Variants in WDR37 observed in about 807,000 individuals in gnomAD.
WDR37 encodes the protein WD repeat-containing protein 37.
In WDR37, 19 loss-of-function variants were observed where a neutral mutation model predicts 62.9. The ratio of observed to expected loss-of-function variants is 0.30; its 90% CI spans 0.21 to 0.44. WDR37 has a LOEUF of 0.44. Ranked by LOEUF, WDR37 falls within the 20% of genes least tolerant of loss-of-function variation. WDR37 has a pLI of 1.00. For missense variants in WDR37, 474 were observed against 657.6 expected (o/e 0.72, Z 3.05); for synonymous variants, 250 against 260.9 (o/e 0.96, Z 0.40).
chr10:1,074,439 G>T lies in WDR37; in HGVS notation c.138+2146G>T, dbSNP rs550216622. 3.1e-5 allele frequency: 41 copies of T among 1,304,262 alleles called. 1 individual carries two copies. The South Asian group carries it at 4.6e-4, about 15-fold the overall frequency. 80.8% of individuals were successfully genotyped at this position (1,304,262 alleles called of 1,614,324 possible). On this transcript the variant is annotated intron_variant, in intron 2 of 13. Coordinates refer to ENST00000263150, the MANE Select transcript of WDR37 (RefSeq NM_014023.4). ...TCCACCTTTGGCCTGTGTCTCCCAC[G>T]CTCGCTCCCTAGACGGAGCTCATTT...
intron 2 of WDR37, chr10:1,074,379 C>G (rs1417892305): frequency 7.8e-7 from 1 of 1,288,814 alleles, no homozygotes; most frequent in Non-Finnish European, 1.0e-6. Context: ...GAAGGTAGCT[C>G]AGAGGTCTCC....
chr10:1,097,717 T>A (rs181625426), intron 9 of WDR37, among the ~76,000 whole-genome samples: 3 of 152,236 alleles, frequency 2.0e-5, no homozygotes, highest in African/African-American at 7.2e-5. Context: ...AGGGACTCTC[T>A]GGAGCCTGAA....
intron 4 of WDR37, 42 bp from the exon 5 acceptor site, chr10:1,080,370 G>C (rs1833992840): frequency 6.2e-7 from 1 of 1,613,042 alleles, no homozygotes; most frequent in Non-Finnish European, 8.5e-7. Flanking sequence ...ATAGGTCTTT[G>C]ATTGTGTGAT....
chr10:1,102,938 A>G (rs910298152), intron 9 of WDR37, among the ~76,000 whole-genome samples: 10 of 152,150 alleles, frequency 6.6e-5, no homozygotes, highest in African/African-American at 2.4e-4. Flanking sequence ...GTAGTTTTGC[A>G]TGTGTGCATG....
chr10:1,111,897 C>A (rs1835227393), intron 11 of WDR37, among the ~76,000 whole-genome samples: 1 of 147,934 alleles, frequency 6.8e-6, no homozygotes, highest in African/African-American at 2.4e-5. Flanking sequence ...GGCTATTTCT[C>A]TCTCTCTCTT....
chr10:1,074,374 T>C (rs1324637199), intron 2 of WDR37: 3 of 1,279,718 alleles, frequency 2.3e-6, no homozygotes, highest in Non-Finnish European at 3.1e-6. Flanking sequence ...CTCACGAAGG[T>C]AGCTCAGAGG....
In WDR37 at chr10:1,093,478, G is replaced by T; in HGVS notation, c.631G>T (p.Glu211Ter). ...SVNSIKFHPSEQLALTASGDQ... is the reference protein window; with the variant it reads ...SVNSIKFHPS ...AAATTCTATCAAATTTCATCCCTCA[G>T]AGCAGTTGGCTCTCACTGGTATGTT... The change falls in exon 8 of 14, where the codon GAG becomes TAG. Residue 211 changes from glutamate (E) to a stop codon, truncating the protein, a stop_gained. Transcript: ENST00000263150. LOFTEE classifies it high-confidence loss of function. 1 of 1,610,002 alleles carries T rather than the reference G, an allele frequency of 6.2e-7. No homozygotes were observed. Among genetic ancestry groups the T allele is most frequent in the Non-Finnish European group, 8.5e-7 (1 of 1,178,754 alleles).
chr10:1,086,146 C>T, intron 6 of WDR37, 140 bp from the exon 7 acceptor site: 1 of 650,130 alleles, frequency 1.5e-6, no homozygotes, highest in Non-Finnish European at 2.7e-6. Context: ...TTGAAGCATA[C>T]AGAGTAATAG....
intron 2 of WDR37, chr10:1,074,395 G>C (rs1195483459): frequency 2.3e-6 from 3 of 1,298,458 alleles, no homozygotes; most frequent in African/African-American, 1.5e-5. Flanking sequence ...TCTCCAAGCC[G>C]CACGGCCTCG....
intron 1 of WDR37, among the ~76,000 whole-genome samples, chr10:1,069,397 T>A (rs868150472): frequency 0.019 from 1,624 of 84,366 alleles, 64 homozygotes; most frequent in East Asian, 0.096. Context: ...ATATTTTTTT[T>A]TTTTTTTTTT....
chr10:1,085,767 T>C (rs1215026697), intron 6 of WDR37, among the ~76,000 whole-genome samples: 2 of 152,236 alleles, frequency 1.3e-5, no homozygotes, highest in Non-Finnish European at 2.9e-5. Flanking sequence ...AAAAGGTCCT[T>C]TCTGATATTT....
Position 1,075,784 on chromosome 10 carries a change from C to CTT in WDR37, c.139-2109_139-2108dup, listed in dbSNP as rs11387795. On this transcript the variant is annotated intron_variant, in intron 2 of 13. Coordinates refer to ENST00000263150, the MANE Select transcript of WDR37 (RefSeq NM_014023.4). ...TTATGTTTCATAGTTATTGGAACTT[C>CTT]TTTTTTTTTTTTTTTGAGACGGAGT... Among the ~76,000 whole-genome samples, 284 of 140,914 alleles carry CTT rather than the reference C, an allele frequency of 2.0e-3. 6 individuals are homozygous for CTT. Among genetic ancestry groups the CTT allele is most frequent in the Middle Eastern group, 0.015 (4 of 270 alleles). 92.4% of individuals were successfully genotyped at this position (140,914 alleles called of 152,430 possible).
At position 1,069,148 on chromosome 10, in the gene WDR37, A is replaced by G. The variant is rs1260551754; in HGVS notation, c.-40-2968A>G. Among the ~76,000 whole-genome samples, 25 of 152,070 alleles carry G rather than the reference A, an allele frequency of 1.6e-4. 2 individuals are homozygous for G. Among genetic ancestry groups the G allele is most frequent in the Admixed American group, 1.4e-3 (21 of 15,246 alleles). Reference sequence around the variant, plus strand: ...GTAATGATCGCACAACTTCCTGAGTATACTGAGAGCCATTGAATTGTGCAC... The same window carrying G: ...GTAATGATCGCACAACTTCCTGAGTGTACTGAGAGCCATTGAATTGTGCAC... On this transcript the variant is annotated intron_variant, in intron 1 of 13. Coordinates refer to ENST00000263150, the MANE Select transcript of WDR37 (RefSeq NM_014023.4).
At chr10:1,096,274 TG>T (rs745803834) in intron 9 of WDR37, 28 bp downstream of exon 9, 2 of 1,605,594 alleles carry the variant, frequency 1.2e-6, no homozygotes, top group East Asian at 4.5e-5. Flanking sequence ...CCTGTGAATG[TG>T]TAGGATGCTG....
At chr10:1,058,866 C>T (rs1481416064) in intron 1 of WDR37, among the ~76,000 whole-genome samples, 1 of 152,224 alleles carries the variant, frequency 6.6e-6, no homozygotes, top group Non-Finnish European at 1.5e-5. Flanking sequence ...AATTCCATCA[C>T]ATTTTATGCA....
chr10:1,089,850 T>G (rs920162861), intron 7 of WDR37, among the ~76,000 whole-genome samples: 1 of 152,268 alleles, frequency 6.6e-6, no homozygotes, highest in African/African-American at 2.4e-5. Context: ...CCAGGATGCC[T>G]TCTGCATTTA....
Position 1,106,183 on chromosome 10 carries a change from C to T in WDR37, c.1103+916C>T, listed in dbSNP as rs115831521. 1.5e-4 allele frequency among the ~76,000 whole-genome samples: 23 copies of T among 152,258 alleles called. No homozygotes were observed. In the East Asian group the frequency reaches 3.9e-3, roughly 26 times the overall value. ...AATGATGAGACCGTCTGCCCAGTCA[C>T]GGGGGCTGTCTACCTAGAGTGTTCC... On this transcript the variant is annotated intron_variant, in intron 11 of 13. Coordinates refer to ENST00000263150, the MANE Select transcript of WDR37 (RefSeq NM_014023.4).
At chr10:1,092,336 A>G (rs552107143) in intron 7 of WDR37, among the ~76,000 whole-genome samples, 1 of 152,110 alleles carries the variant, frequency 6.6e-6, no homozygotes, top group South Asian at 2.1e-4. Context: ...TACTAAAAAT[A>G]CAAAAGACCG....
rs78493356 is a variant in WDR37, at chr10:1,082,225, A to G, written c.396+1749A>G. Among the ~76,000 whole-genome samples the G allele has an allele frequency of 1.5e-3, 235 of 152,352 alleles. 3 individuals carry two copies. In the East Asian group the frequency reaches 0.041, roughly 26 times the overall value. ...ATGAATGCAACAAGAGAAAGGCTAC[A>G]GTCTAGCTTTATTACTTTCCCTCCT... is the stretch of plus-strand genomic sequence containing the variant. On this transcript the variant is annotated intron_variant, in intron 5 of 13. Coordinates refer to ENST00000263150, the MANE Select transcript of WDR37 (RefSeq NM_014023.4).
Sources: allele counts gnomAD v4.1 joint callset (sites outside exome capture counted in the v4.1 genomes callset), GRCh38; gene constraint gnomAD v4.1.1; transcripts MANE v1.5; gene names NCBI Gene and HGNC (gene_info 2026-07-23, HGNC 2026-07-21).